The following LRRN3 variants were observed in gnomAD, a reference collection of about 807,000 sequenced individuals.
LRRN3 encodes the protein leucine-rich repeat neuronal protein 3.
In LRRN3, 15 loss-of-function variants were observed where a neutral mutation model predicts 40.1. The ratio of observed to expected loss-of-function variants is 0.37; its 90% CI spans 0.25 to 0.58. The LOEUF (loss-of-function observed/expected upper bound fraction) is 0.58. Among genes scored for constraint, LRRN3 ranks in the 20% least tolerant of loss-of-function variants. The pLI, the probability that LRRN3 is intolerant of heterozygous loss-of-function variation, is 0.72. For missense variants in LRRN3, 746 were observed against 837.7 expected (o/e 0.89, Z 1.35); for synonymous variants, 308 against 297.2 (o/e 1.04, Z -0.37).
chr7:111,106,592 C>G (rs575880214), intron 2 of LRRN3, among the ~76,000 whole-genome samples: 1 of 150,404 alleles, frequency 6.6e-6, no homozygotes, highest in Non-Finnish European at 1.5e-5. Flanking sequence ...GGTGGAGACT[C>G]AAATAGGGCA....
intron 2 of LRRN3, among the ~76,000 whole-genome samples, chr7:111,117,782 A>G (rs923185119): frequency 6.6e-6 from 1 of 152,098 alleles, no homozygotes; most frequent in African/African-American, 2.4e-5. Context: ...GCTATAGAAG[A>G]AAAGGAAAAA....
In LRRN3 at chr7:111,123,505, G is replaced by A. The variant is rs371479262; in HGVS notation, c.733G>A (p.Asp245Asn). ...LENLESISFY[D>N]NRLIKVPHVA... is the part of the protein sequence containing the mutation. ...AAACTTAGAAAGCATCTCTTTTTAC[G>A]ATAACAGGCTTATTAAAGTACCCCA... is the stretch of plus-strand genomic sequence containing the variant. Residue 245 changes from aspartate (D) to asparagine (N), a missense_variant, in exon 3 of 3, where the codon GAT becomes AAT. By Grantham distance (23) the Asp-to-Asn change is conservative (BLOSUM62 1). Coordinates refer to ENST00000308478, the MANE Select transcript of LRRN3 (RefSeq NM_001099658.2). The surrounding 1 kb of genome is among the most constrained non-coding windows in gnomAD (Gnocchi z 6.4). 3.0e-5 allele frequency: 49 copies of A among 1,613,728 alleles called. No homozygotes were observed. The highest frequency in any genetic ancestry group is 2.0e-4 in the African/African-American group (15 of 74,974).
At position 111,123,599 on chromosome 7, in the gene LRRN3, G is replaced by A. The variant is rs560644522; in HGVS notation, c.827G>A (p.Arg276Gln). Reference sequence around the variant, plus strand: ...AATAAAAATCCTATTAATAGAATACGAAGGGGTGATTTTAGCAATATGCTA... The same window carrying A: ...AATAAAAATCCTATTAATAGAATACAAAGGGGTGATTTTAGCAATATGCTA... ...DLNKNPINRI[R>Q]RGDFSNMLHL... The change falls in exon 3 of 3, where the codon CGA becomes CAA. Residue 276 changes from arginine (R) to glutamine (Q), a missense_variant. Transcript: ENST00000308478. The surrounding 1 kb of genome is among the most constrained non-coding windows in gnomAD (Gnocchi z 6.4). 1.1e-4 allele frequency: 174 copies of A among 1,613,138 alleles called. No individual in the cohort carries two copies. Among genetic ancestry groups the A allele is most frequent in the Non-Finnish European group, 1.4e-4 (164 of 1,179,388 alleles).
chr7:111,118,483 C>A (rs1256248835), intron 2 of LRRN3, among the ~76,000 whole-genome samples: 1 of 151,938 alleles, frequency 6.6e-6, no homozygotes, highest in Admixed American at 6.6e-5. Context: ...ATTTTAACGG[C>A]CTAAACTAGG....
intron 2 of LRRN3, among the ~76,000 whole-genome samples, chr7:111,110,616 GTATAAATATCAAACA>G (rs1799090369): frequency 6.6e-6 from 1 of 152,018 alleles, no homozygotes; most frequent in South Asian, 2.1e-4. Context: ...AAAAACATAA[GTATAAATATCAAACA>G]TATAAGTATA....
In LRRN3 at chr7:111,124,933, A is replaced by AAC. The variant is rs35553365; in HGVS notation, c.*35_*36insCA. 3.0e-5 allele frequency: 12 copies of AAC among 403,016 alleles called. No homozygotes were observed. In the South Asian group the frequency reaches 3.3e-4, roughly 11 times the overall value. 25.0% of individuals were successfully genotyped at this position (403,016 alleles called of 1,614,324 possible). A position where few individuals can be genotyped will look rare whatever the true frequency, so the allele number is the denominator to read the frequency against. On this transcript the variant is annotated 3_prime_UTR_variant, in exon 3 of 3. Coordinates refer to ENST00000308478, the MANE Select transcript of LRRN3 (RefSeq NM_001099658.2). ...AAGGAAACCTACTCCAAAAATGAACAAAAAAAAAAAAAGCGAAAGACTGCA... is the reference window on the plus strand; with the variant it reads ...AAGGAAACCTACTCCAAAAATGAACAACAAAAAAAAAAAAGCGAAAGACTGCA...
Position 111,123,602 on chromosome 7 carries a change from G to C in LRRN3, c.830G>C (p.Arg277Thr). 6.2e-7 allele frequency: 1 copy of C among 1,613,302 alleles called. No individual in the cohort carries two copies. ...LNKNPINRIR[R>T]GDFSNMLHLK... ...AAAAATCCTATTAATAGAATACGAA[G>C]GGGTGATTTTAGCAATATGCTACAC... is the stretch of plus-strand genomic sequence containing the variant. The change falls in exon 3 of 3, where the codon AGG becomes ACG. Residue 277 changes from arginine (R) to threonine (T), a missense_variant. Transcript: ENST00000308478. The surrounding 1 kb of genome is among the most constrained non-coding windows in gnomAD (Gnocchi z 6.4).
intron 2 of LRRN3, among the ~76,000 whole-genome samples, chr7:111,117,364 A>C (rs867754863): frequency 4.6e-5 from 7 of 152,096 alleles, no homozygotes; most frequent in Non-Finnish European, 8.8e-5. Flanking sequence ...TCTGAGGTAC[A>C]AGAAAGTGAG....
Position 111,123,469 on chromosome 7 carries a change from G to C in LRRN3, c.697G>C (p.Val233Leu). Residue 233 changes from valine to leucine, a missense_variant, in exon 3 of 3, where the codon GTT becomes CTT. By Grantham distance (32) the Val-to-Leu change is conservative. Coordinates refer to ENST00000308478, the MANE Select transcript of LRRN3 (RefSeq NM_001099658.2). This position sits in a 1 kb window ranked among gnomAD's most constrained non-coding sequence, Gnocchi z 6.4. Reference sequence around the variant, plus strand: ...CACAGAAATACCAGATAACGCCTTGGTTGGACTGGAAAACTTAGAAAGCAT... The same window carrying C: ...CACAGAAATACCAGATAACGCCTTGCTTGGACTGGAAAACTTAGAAAGCAT... ...NLTEIPDNAL[V>L]GLENLESISF... 1 of 1,613,818 alleles carries C rather than the reference G, an allele frequency of 6.2e-7. No individual in the cohort carries two copies. Among genetic ancestry groups the C allele is most frequent in the Non-Finnish European group, 8.5e-7 (1 of 1,179,916 alleles).
intron 1 of LRRN3, among the ~76,000 whole-genome samples, chr7:111,094,168 T>C (rs1168382231): frequency 2.0e-5 from 3 of 152,160 alleles, no homozygotes; most frequent in African/African-American, 7.2e-5. Flanking sequence ...GGGTGTAACA[T>C]TCCTGTGTAA....
At position 111,123,781 on chromosome 7, in the gene LRRN3, G is replaced by T; in HGVS notation, c.1009G>T (p.Glu337Ter). The T allele has an allele frequency of 6.2e-7, 1 of 1,613,904 alleles. No homozygotes were observed. Among genetic ancestry groups the T allele is most frequent in the Admixed American group, 1.7e-5 (1 of 59,962 alleles). ...PNAFFRLPKL[E>*]SLMLNSNALS... ...TGCATTTTTCAGACTCCCCAAGCTGGAATCACTCATGCTGAACAGCAATGC... is the reference window on the plus strand; with the variant it reads ...TGCATTTTTCAGACTCCCCAAGCTGTAATCACTCATGCTGAACAGCAATGC... Residue 337 changes from glutamate (E) to a stop codon, truncating the protein, a stop_gained, in exon 3 of 3, where the codon GAA becomes TAA. Coordinates refer to ENST00000308478, the MANE Select transcript of LRRN3 (RefSeq NM_001099658.2). LOFTEE classifies it high-confidence loss of function. This position sits in a 1 kb window ranked among gnomAD's most constrained non-coding sequence, Gnocchi z 6.4.
In LRRN3 at chr7:111,122,536, T is replaced by C; in HGVS notation, c.-237T>C. The C allele has an allele frequency of 2.0e-6, 1 of 491,350 alleles. No homozygotes were observed. The highest frequency in any genetic ancestry group is 3.6e-6 in the Non-Finnish European group (1 of 278,292). 30.4% of individuals were successfully genotyped at this position (491,350 alleles called of 1,614,324 possible). ...ACATACTCCACCTTCAAAAAGTACATCAATATTATATCATTAAGGAAATAG... is the reference window on the plus strand; with the variant it reads ...ACATACTCCACCTTCAAAAAGTACACCAATATTATATCATTAAGGAAATAG... On this transcript the variant is annotated 5_prime_UTR_variant, in exon 3 of 3. Transcript: ENST00000308478.
intron 1 of LRRN3, 114 bp downstream of exon 1, chr7:111,091,618 G>A (rs960151005): frequency 1.3e-5 from 2 of 152,126 alleles, no homozygotes; most frequent in African/African-American, 4.8e-5. Flanking sequence ...TGAATTCTAA[G>A]AGCATTTTTC....
intron 1 of LRRN3, among the ~76,000 whole-genome samples, chr7:111,095,311 G>T (rs543833350): frequency 6.6e-6 from 1 of 151,848 alleles, no homozygotes; most frequent in African/African-American, 2.4e-5. Flanking sequence ...CTATTTATTG[G>T]AGAGGCCTAG....
At chr7:111,092,984 T>C (rs1039815850) in intron 1 of LRRN3, among the ~76,000 whole-genome samples, 1 of 152,184 alleles carries the variant, frequency 6.6e-6, no homozygotes, top group African/African-American at 2.4e-5. Context: ...GTTTGTAATA[T>C]AAGCCAAAGC....
Position 111,123,081 on chromosome 7 carries a change from T to C in LRRN3, c.309T>C (p.Asn103=), listed in dbSNP as rs1193356999. 6.2e-7 allele frequency: 1 copy of C among 1,613,812 alleles called. No individual in the cohort carries two copies. The highest frequency in any genetic ancestry group is 8.5e-7 in the Non-Finnish European group (1 of 1,179,928). The change falls in exon 3 of 3, where the codon AAT becomes AAC. Residue 103 remains asparagine (N), a synonymous_variant. Coordinates refer to ENST00000308478, the MANE Select transcript of LRRN3 (RefSeq NM_001099658.2). The surrounding 1 kb of genome is among the most constrained non-coding windows in gnomAD (Gnocchi z 6.4). ...CTGGCCTGGATTTATCTCAAAACAA[T>C]TTATCTTCAGTCACCAATATTAATG... ...NLTGLDLSQN[N]LSSVTNINVK... is the part of the protein sequence containing the mutation.
intron 1 of LRRN3, among the ~76,000 whole-genome samples, chr7:111,099,142 A>G (rs891662471): frequency 1.3e-5 from 2 of 151,714 alleles, no homozygotes; most frequent in African/African-American, 4.8e-5. Context: ...ATCGAGTGGA[A>G]GTCAACATAC....
chr7:111,123,575 A>T lies in LRRN3; in HGVS notation c.803A>T (p.Asn268Ile), dbSNP rs1213032628. ...KVVNLKFLDL[N>I]KNPINRIRRG... ...GTAAATCTCAAATTTTTGGATCTAAATAAAAATCCTATTAATAGAATACGA... is the reference window on the plus strand; with the variant it reads ...GTAAATCTCAAATTTTTGGATCTAATTAAAAATCCTATTAATAGAATACGA... Residue 268 changes from asparagine (N) to isoleucine (I), a missense_variant, in exon 3 of 3, where the codon AAT (asparagine) becomes ATT (isoleucine). By Grantham distance (149) the Asn-to-Ile change is moderately radical. Coordinates refer to ENST00000308478, the MANE Select transcript of LRRN3 (RefSeq NM_001099658.2). This position sits in a 1 kb window ranked among gnomAD's most constrained non-coding sequence, Gnocchi z 6.4. 6.2e-7 allele frequency: 1 copy of T among 1,613,596 alleles called. No individual in the cohort carries two copies. The highest frequency in any genetic ancestry group is 1.7e-4 in the Middle Eastern group (1 of 6,056).
intron 2 of LRRN3, among the ~76,000 whole-genome samples, chr7:111,106,122 A>G (rs1474953799): frequency 3.3e-5 from 5 of 152,002 alleles, no homozygotes; most frequent in Non-Finnish European, 7.4e-5. Context: ...TAATACCAAC[A>G]TTGGTGCACA....
Sources: gnomAD v4.1 joint callset for allele counts (sites outside exome capture counted in the v4.1 genomes callset) on GRCh38, gnomAD v4.1.1 for gene constraint, Gnocchi (gnomAD v3.1) non-coding constraint, MANE v1.5 for transcripts, NCBI Gene and HGNC (gene_info 2026-07-23, HGNC 2026-07-21) for gene names.